The following ITPR2 variants were observed in gnomAD, a reference collection of about 807,000 sequenced individuals.
ITPR2 encodes the protein inositol 1,4,5-trisphosphate receptor type 2.
ITPR2 carries 207 observed loss-of-function variants against 317.1 expected under a neutral mutation model. The ratio of observed to expected loss-of-function variants is 0.65; its 90% CI spans 0.58 to 0.73. The LOEUF (loss-of-function observed/expected upper bound fraction) is 0.73. ITPR2 is among the 30% of genes least tolerant of loss of function. The pLI is 0.00. For synonymous variants in ITPR2, 1,156 were observed against 1,149.1 expected (o/e 1.01, Z -0.12); for missense variants, 2,613 against 3,284.0 (o/e 0.80, Z 4.99).
At chr12:26,783,162 T>C (rs1371234850) in intron 2 of ITPR2, among the ~76,000 whole-genome samples, 1 of 152,238 alleles carries the variant, frequency 6.6e-6, no homozygotes, top group African/African-American at 2.4e-5. Flanking sequence ...TTAGTGTTCA[T>C]TGCACAGCAA....
At chr12:26,562,197 G>A (rs901545361) in intron 34 of ITPR2, among the ~76,000 whole-genome samples, 1 of 152,164 alleles carries the variant, frequency 6.6e-6, no homozygotes, top group Admixed American at 6.5e-5. Flanking sequence ...TGCTTGAAAT[G>A]TACTTTATAC....
At chr12:26,774,010 T>TTTTTTTTC (rs150425593) in intron 2 of ITPR2, among the ~76,000 whole-genome samples, 2 of 112,046 alleles carry the variant, frequency 1.8e-5, no homozygotes, top group Non-Finnish European at 1.9e-5. Flanking sequence ...TTTTTTTTTT[T>TTTTTTTTC]AGTATAAAGC....
intron 55 of ITPR2, among the ~76,000 whole-genome samples, chr12:26,374,513 G>C (rs1209217263): frequency 6.6e-6 from 1 of 152,162 alleles, no homozygotes; most frequent in African/African-American, 2.4e-5. Flanking sequence ...AACATTGAAT[G>C]GTTTAAGAAT....
Position 26,424,566 on chromosome 12 carries a change from G to A in ITPR2, c.6945+3347C>T, listed in dbSNP as rs371053410. Among the ~76,000 whole-genome samples the A allele has an allele frequency of 3.2e-4, 46 of 145,000 alleles. No individual in the cohort carries two copies. In the East Asian group the frequency reaches 7.5e-3, roughly 24 times the overall value. ...TAGCTTTGTAGTGAACTTGTTTTTT[G>A]GTTTTTGTTTTCGTTTTGTGTTTTT... is the stretch of plus-strand genomic sequence containing the variant. On this transcript the variant is annotated intron_variant, in intron 49 of 56. Transcript: ENST00000381340.
At chr12:26,470,009 T>C (rs1565190) in intron 45 of ITPR2, among the ~76,000 whole-genome samples, 17,123 of 152,202 alleles carry the variant, frequency 0.11, 1,706 homozygotes, top group East Asian at 0.4. Flanking sequence ...AAGTGAGTAA[T>C]GGCTCCCTGC....
chr12:26,813,928 T>A (rs185743199), intron 1 of ITPR2, among the ~76,000 whole-genome samples: 101 of 152,296 alleles, frequency 6.6e-4, no homozygotes, highest in African/African-American at 2.2e-3. Context: ...AGTGTACATG[T>A]GTTGTCTCCG....
chr12:26,485,321 C>G (rs1216450533), intron 41 of ITPR2, among the ~76,000 whole-genome samples: 1 of 152,132 alleles, frequency 6.6e-6, no homozygotes, highest in Non-Finnish European at 1.5e-5. Context: ...GTAGTATTTT[C>G]TATACTGATC....
chr12:26,780,674 C>CA (rs1410338095), intron 2 of ITPR2, among the ~76,000 whole-genome samples: 2 of 152,202 alleles, frequency 1.3e-5, no homozygotes, highest in Non-Finnish European at 2.9e-5. Context: ...TCTGAATCAG[C>CA]ATCCAATATA....
chr12:26,819,931 C>T (rs1950914170), intron 1 of ITPR2, among the ~76,000 whole-genome samples: 1 of 152,004 alleles, frequency 6.6e-6, no homozygotes, highest in Non-Finnish European at 1.5e-5. Flanking sequence ...ATTAGCTGGG[C>T]ATGGTGGCAC....
In ITPR2 at chr12:26,831,386, G is replaced by A. The variant is rs1385611653; in HGVS notation, c.92+1304C>T. ...TCCACGTCCCAGTGCTTGGTAGGCA[G>A]CAGTCCGTTATAACACAGCTCGAAG... On this transcript the variant is annotated intron_variant, in intron 1 of 56. Transcript: ENST00000381340. This position sits in a 1 kb window ranked among gnomAD's most constrained non-coding sequence, Gnocchi z 4.9. Among the ~76,000 whole-genome samples the A allele has an allele frequency of 6.6e-6, 1 of 152,158 alleles. No individual in the cohort carries two copies. Among genetic ancestry groups the A allele is most frequent in the Non-Finnish European group, 1.5e-5 (1 of 68,034 alleles).
intron 1 of ITPR2, among the ~76,000 whole-genome samples, chr12:26,809,691 A>T (rs1592150653): frequency 2.6e-5 from 4 of 152,064 alleles, no homozygotes. Flanking sequence ...GGGTTGGGGG[A>T]GTAGTTTAGC....
chr12:26,830,041 C>A (rs1951075754), intron 1 of ITPR2, among the ~76,000 whole-genome samples: 1 of 152,158 alleles, frequency 6.6e-6, no homozygotes, highest in Non-Finnish European at 1.5e-5. Context: ...GTAGCTGGGA[C>A]TACAGGCGTC....
intron 21 of ITPR2, among the ~76,000 whole-genome samples, chr12:26,649,978 G>C (rs999876324): frequency 1.2e-4 from 19 of 152,040 alleles, no homozygotes; most frequent in Non-Finnish European, 2.5e-4. Context: ...TGTTTATCTT[G>C]TTCATTACTT....
intron 2 of ITPR2, among the ~76,000 whole-genome samples, chr12:26,765,875 T>C (rs138064844): frequency 1.1e-3 from 163 of 152,294 alleles, no homozygotes; most frequent in African/African-American, 3.9e-3. Context: ...TGACATTCCA[T>C]ATAAATGGAA....
At chr12:26,419,285 C>G (rs1940817370) in intron 49 of ITPR2, 72 bp from the exon 50 acceptor site, 12 of 1,371,172 alleles carry the variant, frequency 8.8e-6, no homozygotes, top group Non-Finnish European at 1.2e-5. Context: ...AACTACTATT[C>G]ATAGTCCATG....
intron 21 of ITPR2, among the ~76,000 whole-genome samples, chr12:26,648,089 G>C (rs1178585703): frequency 6.6e-6 from 1 of 152,074 alleles, no homozygotes; most frequent in East Asian, 1.9e-4. Flanking sequence ...CAAGGATGCA[G>C]AAGAAAAAAA....
chr12:26,803,261 A>C (rs1950589275), intron 1 of ITPR2, among the ~76,000 whole-genome samples: 1 of 152,106 alleles, frequency 6.6e-6, no homozygotes, highest in South Asian at 2.1e-4. Context: ...CTCTAACTAC[A>C]TGTCTCCAAT....
At chr12:26,538,158 G>C (rs951060640) in intron 37 of ITPR2, among the ~76,000 whole-genome samples, 1 of 152,158 alleles carries the variant, frequency 6.6e-6, no homozygotes, top group Non-Finnish European at 1.5e-5. Flanking sequence ...TTTCCTCCTG[G>C]TTGTGTCATC....
In ITPR2 at chr12:26,832,633, G is replaced by A. The variant is rs1480826660; in HGVS notation, c.92+57C>T. The A allele has an allele frequency of 1.1e-5, 15 of 1,352,936 alleles. No individual in the cohort carries two copies. In the East Asian group the frequency reaches 3.4e-4, roughly 31 times the overall value. The allele number at this position is 1,352,936 out of a possible 1,614,324, so 83.8% of individuals were successfully genotyped here. ...GGACCGGGCGGCGGAGGAGGGACAG[G>A]GACTGGTTCCCAGGACCCGGAGCGC... On this transcript the variant is annotated intron_variant, in intron 1 of 56. Transcript: ENST00000381340.
Sources: allele counts gnomAD v4.1 joint callset (sites outside exome capture counted in the v4.1 genomes callset), GRCh38; gene constraint gnomAD v4.1.1; non-coding constraint Gnocchi (gnomAD v3.1); transcripts MANE v1.5; gene names NCBI Gene and HGNC (gene_info 2026-07-23, HGNC 2026-07-21).